NLGN1: variants seen among roughly 807,000 people sequenced by gnomAD.
NLGN1 encodes neuroligin-1.
In NLGN1, 12 loss-of-function variants were observed where a neutral mutation model predicts 65.5. The ratio of observed to expected loss-of-function variants is 0.18; its 90% CI spans 0.12 to 0.30. The LOEUF is 0.30. NLGN1 is among the 10% of genes least tolerant of loss of function. The probability of loss-of-function intolerance (pLI) is 1.00; values close to 1 mark genes in which losing one functional copy is unlikely to be tolerated. For synonymous variants in NLGN1, 350 were observed against 359.5 expected, an observed-to-expected ratio of 0.97 and a Z score of 0.30; for missense variants, 750 against 1,007.1, an observed-to-expected ratio of 0.74 and a Z score of 3.46.
chr3:174,226,751 AT>A (rs1026292020), intron 4 of NLGN1, among the ~76,000 whole-genome samples: 2 of 151,794 alleles, frequency 1.3e-5, no homozygotes, highest in Admixed American at 6.6e-5. Flanking sequence ...ATAACACTAA[AT>A]TTTTTTTAAA....
intron 2 of NLGN1, among the ~76,000 whole-genome samples, chr3:173,514,999 C>A (rs1733593779): frequency 1.3e-5 from 2 of 152,084 alleles, no homozygotes; most frequent in Non-Finnish European, 2.9e-5. Flanking sequence ...ACCCTAGTTT[C>A]AATTCTTTTG....
At chr3:173,776,478 C>CAG (rs1780314888) in intron 3 of NLGN1, among the ~76,000 whole-genome samples, 1 of 152,008 alleles carries the variant, frequency 6.6e-6, no homozygotes, top group African/African-American at 2.4e-5. Flanking sequence ...TAAATAAAAT[C>CAG]AGCGGGCATT....
chr3:173,565,152 G>A (rs939189777), intron 2 of NLGN1, among the ~76,000 whole-genome samples: 9 of 152,116 alleles, frequency 5.9e-5, no homozygotes, highest in African/African-American at 2.2e-4. Flanking sequence ...AAGAAGCAGA[G>A]GAACATCAGA....
At chr3:174,001,965 T>G (rs1225848290) in intron 4 of NLGN1, among the ~76,000 whole-genome samples, 2 of 151,324 alleles carry the variant, frequency 1.3e-5, no homozygotes, top group Non-Finnish European at 2.9e-5. Context: ...AAAGAAATGC[T>G]ATGACATGGA....
chr3:173,823,101 T>C (rs1353408526), intron 4 of NLGN1, among the ~76,000 whole-genome samples: 1 of 152,002 alleles, frequency 6.6e-6, no homozygotes, highest in African/African-American at 2.4e-5. Flanking sequence ...ATTAAAGATA[T>C]TCGCATATAA....
intron 3 of NLGN1, among the ~76,000 whole-genome samples, chr3:173,725,619 T>C (rs1474254871): frequency 6.6e-6 from 1 of 152,246 alleles, no homozygotes; most frequent in Non-Finnish European, 1.5e-5. Flanking sequence ...TTTTCTATGC[T>C]GTATAGCTAA....
intron 2 of NLGN1, among the ~76,000 whole-genome samples, chr3:173,538,646 G>T (rs1737864727): frequency 1.3e-5 from 2 of 152,114 alleles, no homozygotes; most frequent in Admixed American, 1.3e-4. Flanking sequence ...ACTCATAGCT[G>T]GTCTCCGCTG....
At chr3:173,708,652 C>G (rs1768437962) in intron 3 of NLGN1, among the ~76,000 whole-genome samples, 1 of 152,054 alleles carries the variant, frequency 6.6e-6, no homozygotes, top group African/African-American at 2.4e-5. Flanking sequence ...ACTGGGCCCC[C>G]TAGAATCCTT....
intron 2 of NLGN1, among the ~76,000 whole-genome samples, chr3:173,539,706 A>G (rs1260339264): frequency 6.7e-5 from 3 of 44,996 alleles, no homozygotes; most frequent in Non-Finnish European, 1.1e-4. Flanking sequence ...ATGCACATAT[A>G]TACATATATG....
intron 4 of NLGN1, among the ~76,000 whole-genome samples, chr3:174,140,847 A>G (rs1044571534): frequency 6.6e-6 from 1 of 152,202 alleles, no homozygotes; most frequent in Non-Finnish European, 1.5e-5. Context: ...CACAAATTTT[A>G]TAGCCAAAAG....
At chr3:173,838,452 T>A (rs1724090144) in intron 4 of NLGN1, among the ~76,000 whole-genome samples, 1 of 152,150 alleles carries the variant, frequency 6.6e-6, no homozygotes. Flanking sequence ...CTGATTTAGG[T>A]TACCATTTTA....
At position 173,539,524 on chromosome 3, in the gene NLGN1, TATATATACATATGTATATATAAA is replaced by T. The variant is rs1491552308; in HGVS notation, c.-320-64743_-320-64721del. Among the ~76,000 whole-genome samples the T allele has an allele frequency of 1.4e-5, 2 of 143,526 alleles. 1 individual carries two copies. Among genetic ancestry groups the T allele is most frequent in the South Asian group, 4.2e-4 (2 of 4,742 alleles). 94.2% of individuals were successfully genotyped at this position (143,526 alleles called of 152,430 possible). ...ATGTATATGTATGTACATGTATATG[TATATATACATATGTATATATAAA>T]ATATATACATAATATATATAACATA... On this transcript the variant is annotated intron_variant, in intron 2 of 6. Transcript: ENST00000457714.
intron 4 of NLGN1, among the ~76,000 whole-genome samples, chr3:173,943,737 T>G (rs1746592032): frequency 6.6e-6 from 1 of 152,190 alleles, no homozygotes; most frequent in Non-Finnish European, 1.5e-5. Context: ...TCTCTTAGCA[T>G]TATTGCTGAA....
At chr3:173,397,278 C>T (rs1316944075), upstream of NLGN1, among the ~76,000 whole-genome samples, 1 of 152,076 alleles carries the variant, frequency 6.6e-6, no homozygotes, top group East Asian at 1.9e-4. Flanking sequence ...TTGAGCGAGA[C>T]GAAGCCGTGT....
At chr3:173,489,313 C>G (rs1320649000) in intron 2 of NLGN1, among the ~76,000 whole-genome samples, 2 of 151,716 alleles carry the variant, frequency 1.3e-5, no homozygotes. Context: ...CAATTCCCAA[C>G]TATGAGTGAG....
At chr3:173,415,132 T>A (rs1406808563) in intron 1 of NLGN1, among the ~76,000 whole-genome samples, 1 of 152,208 alleles carries the variant, frequency 6.6e-6, no homozygotes, top group Non-Finnish European at 1.5e-5. Flanking sequence ...CTAATTGTTA[T>A]TAAAGGGTGA....
intron 3 of NLGN1, among the ~76,000 whole-genome samples, chr3:173,662,415 T>C (rs1011307976): frequency 6.6e-6 from 1 of 152,062 alleles, no homozygotes; most frequent in Non-Finnish European, 1.5e-5. Flanking sequence ...TTAAGGTGTC[T>C]ATCAGTCATG....
chr3:173,895,335 C>T (rs1478053262), intron 4 of NLGN1, among the ~76,000 whole-genome samples: 2 of 152,106 alleles, frequency 1.3e-5, no homozygotes, highest in Non-Finnish European at 2.9e-5. Context: ...GATTTTATTA[C>T]AAAGGCATCA....
chr3:174,083,382 A>T (rs1742626248), intron 4 of NLGN1, among the ~76,000 whole-genome samples: 2 of 152,154 alleles, frequency 1.3e-5, no homozygotes, highest in African/African-American at 4.8e-5. Context: ...ATATATAATG[A>T]AACTAAAATA....
Sources: allele counts gnomAD v4.1 joint callset (sites outside exome capture counted in the v4.1 genomes callset), GRCh38; gene constraint gnomAD v4.1.1; transcripts MANE v1.5; gene names NCBI Gene and HGNC (gene_info 2026-07-23, HGNC 2026-07-21).